The following PNPT1 variants were observed in gnomAD, a reference collection of about 807,000 sequenced individuals.
PNPT1 encodes polyribonucleotide nucleotidyltransferase 1, mitochondrial.
A neutral mutation model predicts 119.5 loss-of-function variants in PNPT1; 53 were observed. The ratio of observed to expected loss-of-function variants is 0.44; its 90% CI spans 0.36 to 0.56. The LOEUF is 0.56. PNPT1 is among the 20% of genes least tolerant of loss of function. The probability of loss-of-function intolerance (pLI) is 0.00; values close to 1 mark genes in which losing one functional copy is unlikely to be tolerated. For synonymous variants in PNPT1, 357 were observed against 322.1 expected (o/e 1.11, Z -1.16); for missense variants, 948 against 938.5 (o/e 1.01, Z -0.13).
chr2:55,664,438 C>T (rs1239863820), intron 13 of PNPT1, among the ~76,000 whole-genome samples: 2 of 152,126 alleles, frequency 1.3e-5, no homozygotes, highest in Middle Eastern at 3.4e-3. Context: ...CCTGACTCTA[C>T]AAAAATTTTT....
intron 11 of PNPT1, among the ~76,000 whole-genome samples, chr2:55,668,827 T>G (rs1409079317): frequency 1.3e-5 from 2 of 152,038 alleles, no homozygotes; most frequent in Non-Finnish European, 2.9e-5. Flanking sequence ...CTCGAACTCC[T>G]GACCTCAGGT....
chr2:55,684,821 T>C, intron 4 of PNPT1, 122 bp downstream of exon 4: 1 of 1,233,582 alleles, frequency 8.1e-7, no homozygotes, highest in Non-Finnish European at 1.0e-6. Context: ...GAGTGAATAA[T>C]CTTAGGTGGT....
chr2:55,641,350 C>T (rs543061377), intron 25 of PNPT1, among the ~76,000 whole-genome samples: 1 of 148,952 alleles, frequency 6.7e-6, no homozygotes, highest in South Asian at 2.1e-4. Context: ...CTCACTGCAA[C>T]CTCCGCCTCC....
At chr2:55,663,156 T>G (rs1323000236) in intron 13 of PNPT1, among the ~76,000 whole-genome samples, 1 of 152,054 alleles carries the variant, frequency 6.6e-6, no homozygotes, top group Non-Finnish European at 1.5e-5. Context: ...AGTGCTGGGA[T>G]TACAGGCGTG....
chr2:55,650,914 C>T (rs1572803347), intron 18 of PNPT1, among the ~76,000 whole-genome samples: 1 of 150,458 alleles, frequency 6.6e-6, no homozygotes. Context: ...CAGCCCCCCG[C>T]CCGGCCAGCC....
chr2:55,672,135 T>TA, intron 9 of PNPT1, 89 bp from the exon 10 acceptor site: 1 of 963,792 alleles, frequency 1.0e-6, no homozygotes, highest in Non-Finnish European at 1.6e-6. Flanking sequence ...TATTTAATAA[T>TA]AATCAGCTAA....
chr2:55,665,056 T>C (rs1458997743), intron 13 of PNPT1, among the ~76,000 whole-genome samples: 1 of 152,136 alleles, frequency 6.6e-6, no homozygotes, highest in African/African-American at 2.4e-5. Context: ...TTCTCAGATA[T>C]TAAAATATAC....
intron 10 of PNPT1, among the ~76,000 whole-genome samples, chr2:55,671,686 T>C (rs574116979): frequency 6.6e-6 from 1 of 152,134 alleles, no homozygotes; most frequent in Admixed American, 6.6e-5. Flanking sequence ...ATACAAAAGA[T>C]AGCTGAGTGT....
At chr2:55,687,546 A>G in intron 2 of PNPT1, 99 bp downstream of exon 2, 1 of 850,018 alleles carries the variant, frequency 1.2e-6, no homozygotes, top group Non-Finnish European at 1.8e-6. Flanking sequence ...AATTTCCAGT[A>G]CCAAAATTCT....
Position 55,649,939 on chromosome 2 carries a change from G to C in PNPT1, c.1496-2486C>G, listed in dbSNP as rs562002969. 5.5e-4 allele frequency among the ~76,000 whole-genome samples: 84 copies of C among 152,266 alleles called. No homozygotes were observed. The Middle Eastern group carries it at 0.01, about 18-fold the overall frequency. ...GTGGAACACTATTCCATGGAATACT[G>C]AATTGGAAAAATGCTGGCTTTAAGT... On this transcript the variant is annotated intron_variant, in intron 18 of 27. Transcript: ENST00000447944.
intron 5 of PNPT1, among the ~76,000 whole-genome samples, chr2:55,681,392 G>A (rs1413789485): frequency 6.6e-6 from 1 of 151,864 alleles, no homozygotes; most frequent in Non-Finnish European, 1.5e-5. Context: ...GGGTGCCAGA[G>A]TGAGAATCTG....
intron 13 of PNPT1, among the ~76,000 whole-genome samples, chr2:55,663,673 A>G (rs1696648936): frequency 6.6e-6 from 1 of 152,142 alleles, no homozygotes; most frequent in Non-Finnish European, 1.5e-5. Context: ...TCAGAAAAAC[A>G]TGGAGAACAA....
intron 26 of PNPT1, among the ~76,000 whole-genome samples, chr2:55,638,994 T>G (rs1695760279): frequency 6.6e-6 from 1 of 152,116 alleles, no homozygotes; most frequent in South Asian, 2.1e-4. Context: ...CATGCTGGTC[T>G]CAAACTCCTG....
chr2:55,687,844 C>T, intron 1 of PNPT1, 139 bp from the exon 2 acceptor site: 1 of 580,026 alleles, frequency 1.7e-6, no homozygotes, highest in Non-Finnish European at 2.9e-6. Context: ...GGGCAGAATC[C>T]ATGATCATTA....
chr2:55,691,848 TTATATATA>T lies in PNPT1; in HGVS notation c.161+1807_161+1814del, dbSNP rs869195974. Among the ~76,000 whole-genome samples, 680 of 86,924 alleles carry T rather than the reference TTATATATA, an allele frequency of 7.8e-3. 8 individuals carry two copies. Among genetic ancestry groups the T allele is most frequent in the South Asian group, 0.013 (23 of 1,788 alleles). The allele number at this position is 86,924 out of a possible 152,430, so 57.0% of individuals were successfully genotyped here. On this transcript the variant is annotated intron_variant, in intron 1 of 27. Coordinates refer to ENST00000447944, the MANE Select transcript of PNPT1 (RefSeq NM_033109.5). The stretch of plus-strand genomic sequence containing the variant: ...TATATTACTCTTCAATTAAAAATGT[TTATATATA>T]TATATATATATATATATATATATTT...
In PNPT1 at chr2:55,668,186, T is replaced by C. The variant is rs782636; in HGVS notation, c.977-228A>G. Among the ~76,000 whole-genome samples the C allele has an allele frequency of 0.93, 141,862 of 152,322 alleles. 66,600 individuals are homozygous for C. The highest frequency in any genetic ancestry group is 0.97 in the African/African-American group (40,214 of 41,580). On this transcript the variant is annotated intron_variant, in intron 11 of 27. Transcript: ENST00000447944. ...GTGTTGTTATTGTGAACTTAGTTTG[T>C]TTTCTACCTAAATGACTGAATGACA...
Position 55,668,428 on chromosome 2 carries a change from G to A in PNPT1, c.977-470C>T, listed in dbSNP as rs549330795. On this transcript the variant is annotated intron_variant, in intron 11 of 27. Transcript: ENST00000447944. ...ATTTTTTTGTATTTTAGTGGAGACG[G>A]GGTTTTACCATGTGGCCCAGGCTGC... 4.4e-4 allele frequency among the ~76,000 whole-genome samples: 67 copies of A among 152,192 alleles called. 2 individuals carry two copies. The highest frequency in any genetic ancestry group is 1.4e-3 in the African/African-American group (58 of 41,508).
chr2:55,680,983 TACAAGAGC>T, intron 5 of PNPT1, 65 bp from the exon 6 acceptor site: 1 of 1,324,734 alleles, frequency 7.5e-7, no homozygotes, highest in Non-Finnish European at 1.1e-6. Context: ...TGACCTAAAA[TACAAGAGC>T]ACTATATGGC....
At chr2:55,647,959 CAA>C (rs1696052593) in intron 18 of PNPT1, among the ~76,000 whole-genome samples, 1 of 152,176 alleles carries the variant, frequency 6.6e-6, no homozygotes. Flanking sequence ...ACAATGTAAA[CAA>C]GTACTATATC....
Sources: allele counts gnomAD v4.1 joint callset (sites outside exome capture counted in the v4.1 genomes callset), GRCh38; gene constraint gnomAD v4.1.1; transcripts MANE v1.5; gene names NCBI Gene and HGNC (gene_info 2026-07-23, HGNC 2026-07-21).